Variants in KAZN observed in about 807,000 individuals in gnomAD.
KAZN encodes the protein kazrin.
In KAZN, 40 loss-of-function variants were observed where a neutral mutation model predicts 87.4. That is an observed-to-expected ratio of 0.46 (90% CI 0.36 to 0.60). The LOEUF is 0.60. Among genes scored for constraint, KAZN ranks in the 20% least tolerant of loss-of-function variants. The probability of loss-of-function intolerance (pLI) is 0.00; values close to 1 mark genes in which losing one functional copy is unlikely to be tolerated. For synonymous variants in KAZN, 466 were observed against 458.3 expected (o/e 1.02, Z -0.22); for missense variants, 898 against 1,073.9 (o/e 0.84, Z 2.29).
At chr1:14,888,091 A>C (rs1654289272) in intron 1 of KAZN, among the ~76,000 whole-genome samples, 2 of 152,160 alleles carry the variant, frequency 1.3e-5, no homozygotes, top group Non-Finnish European at 2.9e-5. Context: ...CCACTGCTTT[A>C]ATGAGAAAGG....
intron 2 of KAZN, among the ~76,000 whole-genome samples, chr1:14,407,625 G>C (rs548648292): frequency 6.6e-6 from 1 of 152,104 alleles, no homozygotes; most frequent in Non-Finnish European, 1.5e-5. Context: ...CCAGTTTCCT[G>C]ATCTCTCTAC....
chr1:14,910,174 G>A (rs1383746638), intron 1 of KAZN, among the ~76,000 whole-genome samples: 1 of 152,172 alleles, frequency 6.6e-6, no homozygotes, highest in African/African-American at 2.4e-5. Flanking sequence ...TGGATCTCCT[G>A]ACTGGCTGCT....
intron 2 of KAZN, among the ~76,000 whole-genome samples, chr1:14,241,376 C>T (rs1648920832): frequency 6.6e-6 from 1 of 152,216 alleles, no homozygotes; most frequent in South Asian, 2.1e-4. Flanking sequence ...GTCTGACTCT[C>T]CTCCTCTTCC....
At chr1:14,557,632 GTGTGTGT>G (rs1673976006) in intron 2 of KAZN, among the ~76,000 whole-genome samples, 3 of 22,720 alleles carry the variant, frequency 1.3e-4, no homozygotes, top group African/African-American at 3.3e-4. Flanking sequence ...GTGTGTGGGT[GTGTGTGT>G]GTGTGTGTGT....
At chr1:14,694,019 G>A (rs549102796) in intron 1 of KAZN, among the ~76,000 whole-genome samples, 1 of 152,338 alleles carries the variant, frequency 6.6e-6, no homozygotes, top group African/African-American at 2.4e-5. Flanking sequence ...CAAGCTAGAA[G>A]GAGATGGGTT....
intron 2 of KAZN, among the ~76,000 whole-genome samples, chr1:15,005,535 C>T (rs1314439956): frequency 3.9e-5 from 6 of 152,188 alleles, no homozygotes; most frequent in Non-Finnish European, 5.9e-5. Flanking sequence ...CCTATCATCC[C>T]AGCACTTTGG....
chr1:14,479,279 G>T (rs1236463167), intron 2 of KAZN, among the ~76,000 whole-genome samples: 1 of 152,132 alleles, frequency 6.6e-6, no homozygotes, highest in Non-Finnish European at 1.5e-5. Flanking sequence ...ATCAGACATG[G>T]GCTAAGGGAT....
chr1:14,693,668 C>T (rs1051152645), intron 1 of KAZN, among the ~76,000 whole-genome samples: 5 of 152,212 alleles, frequency 3.3e-5, no homozygotes, highest in African/African-American at 1.2e-4. Flanking sequence ...TCAGCTTACA[C>T]CAGACTTGTC....
At chr1:13,961,138 T>C (rs1424662815) in intron 1 of KAZN, among the ~76,000 whole-genome samples, 1 of 152,160 alleles carries the variant, frequency 6.6e-6, no homozygotes, top group Non-Finnish European at 1.5e-5. Flanking sequence ...CCCACCCTCT[T>C]CTTCCAACTT....
At chr1:14,062,723 C>G (rs753709184) in intron 1 of KAZN, among the ~76,000 whole-genome samples, 7 of 151,930 alleles carry the variant, frequency 4.6e-5, no homozygotes, top group Admixed American at 1.3e-4. Flanking sequence ...AATGACCGTC[C>G]AAATCAATCT....
chr1:14,538,182 A>G (rs72645984), intron 2 of KAZN, among the ~76,000 whole-genome samples: 3,225 of 152,262 alleles, frequency 0.021, 50 homozygotes, highest in Non-Finnish European at 0.036. Flanking sequence ...TTCCATCTAG[A>G]CACAACTGTC....
chr1:14,370,471 A>G (rs1348762763), intron 2 of KAZN, among the ~76,000 whole-genome samples: 1 of 152,208 alleles, frequency 6.6e-6, no homozygotes, highest in Non-Finnish European at 1.5e-5. Flanking sequence ...CTGCCATGGA[A>G]GACCAAGAGG....
chr1:14,657,362 C>T (rs528936234), intron 1 of KAZN, among the ~76,000 whole-genome samples: 339 of 152,286 alleles, frequency 2.2e-3, no homozygotes, highest in African/African-American at 7.8e-3. Flanking sequence ...GGATTATAGG[C>T]GTGAGCCACC....
At chr1:14,767,349 C>G (rs1264901089) in intron 1 of KAZN, among the ~76,000 whole-genome samples, 1 of 152,226 alleles carries the variant, frequency 6.6e-6, no homozygotes, top group East Asian at 1.9e-4. Context: ...TGCAAATCCA[C>G]AGCTGCAGAA....
chr1:13,960,309 G>A (rs1029275680), intron 1 of KAZN, among the ~76,000 whole-genome samples: 1 of 152,146 alleles, frequency 6.6e-6, no homozygotes, highest in Admixed American at 6.5e-5. Context: ...AGAGAGCTTC[G>A]CCCAACATCA....
chr1:14,149,842 G>A (rs1356440949), intron 1 of KAZN, among the ~76,000 whole-genome samples: 1 of 152,110 alleles, frequency 6.6e-6, no homozygotes, highest in African/African-American at 2.4e-5. Context: ...TGTTTTACAA[G>A]ATGCATATTT....
chr1:14,576,330 ATG>A (rs199824228), intron 2 of KAZN, among the ~76,000 whole-genome samples: 14,327 of 151,288 alleles, frequency 0.095, 746 homozygotes, highest in Non-Finnish European at 0.12. Flanking sequence ...GGATGGATGG[ATG>A]GACGGACAGA....
At chr1:14,216,374 C>T (rs971677194) in intron 2 of KAZN, among the ~76,000 whole-genome samples, 1 of 152,110 alleles carries the variant, frequency 6.6e-6, no homozygotes, top group Non-Finnish European at 1.5e-5. Context: ...TTGAAACTTC[C>T]TTCCAGGGTA....
At chr1:14,501,780 A>G (rs1670268373) in intron 2 of KAZN, among the ~76,000 whole-genome samples, 1 of 152,228 alleles carries the variant, frequency 6.6e-6, no homozygotes, top group Non-Finnish European at 1.5e-5. Context: ...CAATCTAAGC[A>G]ATGGAAGATT....
Sources: allele counts gnomAD v4.1 joint callset (sites outside exome capture counted in the v4.1 genomes callset), GRCh38; gene constraint gnomAD v4.1.1; transcripts MANE v1.5; gene names NCBI Gene and HGNC (gene_info 2026-07-23, HGNC 2026-07-21).